Variants in STMP1 observed in about 807,000 individuals in gnomAD.
STMP1 encodes the protein short transmembrane mitochondrial protein 1, also known as mitolamban.
Under a neutral mutation model 7.0 loss-of-function variants are expected in STMP1, and 7 were observed. The observed-to-expected ratio is 1.01, with a 90% CI of 0.57 to 1.89. The LOEUF (loss-of-function observed/expected upper bound fraction) is 1.89, where lower values mean the gene tolerates loss of function less well. STMP1 is among the 40% of genes most tolerant of loss of function. The pLI, the probability that STMP1 is intolerant of heterozygous loss-of-function variation, is 0.00. For synonymous variants in STMP1, 19 were observed against 18.4 expected, an observed-to-expected ratio of 1.03 and a Z score of -0.08; for missense variants, 45 against 53.0, an observed-to-expected ratio of 0.85 and a Z score of 0.47.
Position 135,674,229 on chromosome 7 carries a change from A to C in STMP1, c.*64A>C. On this transcript the variant is annotated 3_prime_UTR_variant, in exon 3 of 3. Transcript: ENST00000507606. ...ACTGCTCTTGAGGGCCTCGTTTACTATCTGAACCAAAAGCTTTTGTTTTCG... is the reference window on the plus strand; with the variant it reads ...ACTGCTCTTGAGGGCCTCGTTTACTCTCTGAACCAAAAGCTTTTGTTTTCG... 5 of 1,222,748 alleles carry C rather than the reference A, an allele frequency of 4.1e-6. No individual in the cohort carries two copies. The highest frequency in any genetic ancestry group is 3.4e-6 in the Non-Finnish European group (3 of 877,728). The allele number at this position is 1,222,748 out of a possible 1,614,324, so 75.7% of individuals were successfully genotyped here. A position where few individuals can be genotyped will look rare whatever the true frequency, so the allele number is the denominator to read the frequency against.
rs1795390029 is a variant in STMP1, at chr7:135,674,495, A to G, written c.*330A>G. 1 of 210,876 alleles carries G rather than the reference A, an allele frequency of 4.7e-6. No homozygotes were observed. Among genetic ancestry groups the G allele is most frequent in the African/African-American group, 2.3e-5 (1 of 43,548 alleles). The allele number at this position is 210,876 out of a possible 1,614,324, so 13.1% of individuals were successfully genotyped here. ...GCGATTTTTACTACCTTTTTTCAAA[A>G]GAAAAATTGATGAGTTTTGTATAGC... On this transcript the variant is annotated 3_prime_UTR_variant, in exon 3 of 3. Transcript: ENST00000507606.
chr7:135,675,977 T>C lies in STMP1; in HGVS notation c.*1812T>C, dbSNP rs1408597304. ...TCTCACTCTGCTGCCCAGGCTGGAGTGCAGTGGCACAGTCTTGGCTCACTG... is the reference window on the plus strand; with the variant it reads ...TCTCACTCTGCTGCCCAGGCTGGAGCGCAGTGGCACAGTCTTGGCTCACTG... On this transcript the variant is annotated 3_prime_UTR_variant, in exon 3 of 3. Coordinates refer to ENST00000507606, the MANE Select transcript of STMP1 (RefSeq NM_001130929.2). 2 of 143,574 alleles carry C rather than the reference T, an allele frequency of 1.4e-5. No homozygotes were observed. The highest frequency in any genetic ancestry group is 3.0e-5 in the Non-Finnish European group (2 of 66,798). The allele number at this position is 143,574 out of a possible 1,614,324, so 8.9% of individuals were successfully genotyped here. A position where few individuals can be genotyped will look rare whatever the true frequency, so the allele number is the denominator to read the frequency against.
chr7:135,671,851 C>A (rs1795359993), intron 1 of STMP1, among the ~76,000 whole-genome samples: 1 of 152,172 alleles, frequency 6.6e-6, no homozygotes, highest in Non-Finnish European at 1.5e-5. Context: ...GTCCTGTCCT[C>A]CTTGTTGTGA....
At chr7:135,663,835 G>A (rs1186682956) in intron 1 of STMP1, among the ~76,000 whole-genome samples, 2 of 152,066 alleles carry the variant, frequency 1.3e-5, no homozygotes, top group Non-Finnish European at 2.9e-5. Context: ...TAGTAGAGAC[G>A]GGGTTTCACC....
Position 135,674,988 on chromosome 7 carries a change from T to C in STMP1, c.*823T>C, listed in dbSNP as rs1795395842. On this transcript the variant is annotated 3_prime_UTR_variant, in exon 3 of 3. Coordinates refer to ENST00000507606, the MANE Select transcript of STMP1 (RefSeq NM_001130929.2). ...AAAAGGTATTTATATTATTACTTTG[T>C]AGTGATTGTCTTAAGAAAAAATATA... The C allele has an allele frequency of 6.6e-6, 1 of 152,180 alleles. No homozygotes were observed. Among genetic ancestry groups the C allele is most frequent in the South Asian group, 2.1e-4 (1 of 4,832 alleles). 9.4% of individuals were successfully genotyped at this position (152,180 alleles called of 1,614,324 possible).
At chr7:135,668,103 G>GA (rs1399059093) in intron 1 of STMP1, among the ~76,000 whole-genome samples, 1 of 152,062 alleles carries the variant, frequency 6.6e-6, no homozygotes, top group Non-Finnish European at 1.5e-5. Context: ...CACTCTTGTT[G>GA]AAAATCACTT....
intron 1 of STMP1, among the ~76,000 whole-genome samples, chr7:135,669,057 AAGAG>A (rs989271557): frequency 2.2e-4 from 34 of 152,094 alleles, no homozygotes. Flanking sequence ...GCAGCAGACA[AAGAG>A]AGAGCTTGTG....
intron 1 of STMP1, among the ~76,000 whole-genome samples, chr7:135,667,831 G>C (rs1795312854): frequency 6.7e-6 from 1 of 149,432 alleles, no homozygotes; most frequent in Admixed American, 6.7e-5. Context: ...TTGTACTTTT[G>C]GTGTCATATC....
At chr7:135,672,160 A>G (rs1795362427) in intron 1 of STMP1, among the ~76,000 whole-genome samples, 1 of 152,124 alleles carries the variant, frequency 6.6e-6, no homozygotes, top group South Asian at 2.1e-4. Context: ...TTGTATTTTT[A>G]GTAGAGACGA....
chr7:135,674,162 A>C lies in STMP1; in HGVS notation c.141A>C (p.Ala47=). ...ATGCCAAGAAGAAACCCCCTAGTGC[A>C]TGAGACTGCCTCCAGCACTGCCTTC... ...DLDAKKKPPS[A] The change falls in exon 3 of 3, where the codon GCA becomes GCC. Residue 47 remains alanine (A), a synonymous_variant. Coordinates refer to ENST00000507606, the MANE Select transcript of STMP1 (RefSeq NM_001130929.2). 3.2e-6 allele frequency: 5 copies of C among 1,547,910 alleles called. No individual in the cohort carries two copies. The highest frequency in any genetic ancestry group is 4.4e-6 in the Non-Finnish European group (5 of 1,145,538).
chr7:135,667,004 A>G (rs1795301872), intron 1 of STMP1, among the ~76,000 whole-genome samples: 1 of 152,166 alleles, frequency 6.6e-6, no homozygotes, highest in South Asian at 2.1e-4. Context: ...TGACGGCTTC[A>G]ATTTCTCCAC....
chr7:135,673,756 T>C (rs1343721252), intron 2 of STMP1, among the ~76,000 whole-genome samples: 1 of 152,142 alleles, frequency 6.6e-6, no homozygotes, highest in Admixed American at 6.5e-5. Flanking sequence ...CTGGGCAGTG[T>C]GACGAAAGCC....
intron 1 of STMP1, among the ~76,000 whole-genome samples, chr7:135,669,284 A>G (rs150795811): frequency 1.3e-5 from 2 of 152,324 alleles, no homozygotes; most frequent in East Asian, 1.9e-4. Flanking sequence ...AGCCTTTAAT[A>G]TCAACCTGAG....
chr7:135,674,761 A>G lies in STMP1; in HGVS notation c.*596A>G, dbSNP rs1024300639. ...CTGAGAATCCTGTCAGGAATTGGGGAATGAAAAAATACACAAAATAATGGT... is the reference window on the plus strand; with the variant it reads ...CTGAGAATCCTGTCAGGAATTGGGGGATGAAAAAATACACAAAATAATGGT... On this transcript the variant is annotated 3_prime_UTR_variant, in exon 3 of 3. Coordinates refer to ENST00000507606, the MANE Select transcript of STMP1 (RefSeq NM_001130929.2). The G allele has an allele frequency of 6.6e-6, 1 of 152,126 alleles. No homozygotes were observed. Among genetic ancestry groups the G allele is most frequent in the Non-Finnish European group, 1.5e-5 (1 of 68,058 alleles). 9.4% of individuals were successfully genotyped at this position (152,126 alleles called of 1,614,324 possible). A position where few individuals can be genotyped will look rare whatever the true frequency, so the allele number is the denominator to read the frequency against.
At chr7:135,663,634 G>A (rs1795260219) in intron 1 of STMP1, among the ~76,000 whole-genome samples, 1 of 151,808 alleles carries the variant, frequency 6.6e-6, no homozygotes, top group Non-Finnish European at 1.5e-5. Flanking sequence ...GTGAGCCACT[G>A]CTCCCGGCTC....
At chr7:135,671,739 G>T (rs190585261) in intron 1 of STMP1, among the ~76,000 whole-genome samples, 4 of 152,226 alleles carry the variant, frequency 2.6e-5, no homozygotes, top group African/African-American at 4.8e-5. Flanking sequence ...TGTACCTGTG[G>T]CAGAGTGCTA....
intron 1 of STMP1, among the ~76,000 whole-genome samples, chr7:135,667,020 C>T (rs1173560750): frequency 6.6e-6 from 1 of 152,328 alleles, no homozygotes. Context: ...TCCACATCCT[C>T]GCCAACATTT....
chr7:135,672,838 C>T (rs554207973), intron 2 of STMP1, 32 bp downstream of exon 2: 1 of 1,522,790 alleles, frequency 6.6e-7, no homozygotes, highest in East Asian at 2.5e-5. Context: ...TTCCTTGATT[C>T]CATGTAACTG....
chr7:135,668,554 C>T (rs767746875), intron 1 of STMP1, among the ~76,000 whole-genome samples: 7 of 152,156 alleles, frequency 4.6e-5, no homozygotes, highest in Non-Finnish European at 8.8e-5. Context: ...AGATGTATGC[C>T]ACCACATCCG....
Sources: allele counts gnomAD v4.1 joint callset (sites outside exome capture counted in the v4.1 genomes callset), GRCh38; gene constraint gnomAD v4.1.1; transcripts MANE v1.5; gene names NCBI Gene and HGNC (gene_info 2026-07-23, HGNC 2026-07-21).